The following CADM2 variants were observed in gnomAD, a reference collection of about 807,000 sequenced individuals.
The protein encoded by CADM2 is immunoglobulin superfamily member 4D.
In CADM2, 12 loss-of-function variants were observed where a neutral mutation model predicts 49.8. The observed-to-expected ratio is 0.24, with a 90% CI of 0.15 to 0.39. The LOEUF (loss-of-function observed/expected upper bound fraction) is 0.39, where lower values mean the gene tolerates loss of function less well. Among genes scored for constraint, CADM2 ranks in the 10% least tolerant of loss-of-function variants. CADM2 has a pLI of 1.00. For missense variants in CADM2, 378 were observed against 492.3 expected (o/e 0.77, Z 2.20); for synonymous variants, 214 against 175.4 (o/e 1.22, Z -1.74).
chr3:85,896,549 G>C (rs73843508), intron 5 of CADM2, among the ~76,000 whole-genome samples: 8,178 of 152,222 alleles, frequency 0.054, 630 homozygotes, highest in African/African-American at 0.17. Context: ...CACCTGGTTA[G>C]GCACCAAAGC....
Position 86,072,485 on chromosome 3 carries a change from T to C in CADM2, c.*5702T>C, listed in dbSNP as rs558484334. ...TCAAAAGAAGAAAAGTTAAAAGATA[T>C]TTGAAGATTGCAGGGGCAAAACAAA... On this transcript the variant is annotated 3_prime_UTR_variant, in exon 10 of 10. Transcript: ENST00000383699. 1 of 151,814 alleles carries C rather than the reference T, an allele frequency of 6.6e-6. No homozygotes were observed. Among genetic ancestry groups the C allele is most frequent in the Admixed American group, 6.6e-5 (1 of 15,204 alleles). The allele number at this position is 151,814 out of a possible 1,614,324, so 9.4% of individuals were successfully genotyped here. A position where few individuals can be genotyped will look rare whatever the true frequency, so the allele number is the denominator to read the frequency against.
intron 1 of CADM2, among the ~76,000 whole-genome samples, chr3:85,686,368 G>C (rs1029346328): frequency 2.0e-5 from 3 of 151,988 alleles, no homozygotes; most frequent in South Asian, 2.1e-4. Flanking sequence ...AAATGGTAAC[G>C]CTGGTTAGTG....
At chr3:85,347,740 G>C (rs1304122851) in intron 1 of CADM2, among the ~76,000 whole-genome samples, 1 of 150,508 alleles carries the variant, frequency 6.6e-6, no homozygotes, top group East Asian at 1.9e-4. Flanking sequence ...CTTCCAGGTT[G>C]AAGTGATTCT....
intron 3 of CADM2, among the ~76,000 whole-genome samples, chr3:85,869,386 C>T (rs545735070): frequency 1.3e-5 from 2 of 151,894 alleles, no homozygotes; most frequent in Admixed American, 6.6e-5. Context: ...TTTTCAGATA[C>T]GATGTGTGAT....
intron 1 of CADM2, among the ~76,000 whole-genome samples, chr3:85,670,530 C>A (rs974444018): frequency 6.6e-6 from 1 of 152,090 alleles, no homozygotes; most frequent in African/African-American, 2.4e-5. Context: ...CCATCCACAG[C>A]CTTCCATCCT....
At chr3:85,288,793 C>CCCT (rs1553704691) in intron 1 of CADM2, among the ~76,000 whole-genome samples, 1,371 of 136,354 alleles carry the variant, frequency 0.01, 76 homozygotes, top group Non-Finnish European at 0.017. Context: ...TGCCCCCCCC[C>CCCT]CCTCTTTTTT....
At chr3:85,593,079 C>G (rs938461118) in intron 1 of CADM2, among the ~76,000 whole-genome samples, 2 of 151,934 alleles carry the variant, frequency 1.3e-5, no homozygotes, top group African/African-American at 4.8e-5. Flanking sequence ...CTATTTTTCC[C>G]TATTTTATTT....
chr3:85,245,244 G>T (rs536703158), intron 1 of CADM2, among the ~76,000 whole-genome samples: 1 of 152,278 alleles, frequency 6.6e-6, no homozygotes, highest in African/African-American at 2.4e-5. Context: ...AACTAAAGGA[G>T]AATTTAGCCT....
rs563724656 is a variant in CADM2, at chr3:86,053,870, A to G, written c.971-11735A>G. 7.9e-5 allele frequency among the ~76,000 whole-genome samples: 12 copies of G among 152,214 alleles called. No homozygotes were observed. The South Asian group carries it at 2.3e-3, about 29-fold the overall frequency. ...AGAATAATGCTTTTAATAAATATGA[A>G]CTATTATATTTTATGGGACAAGTAT... On this transcript the variant is annotated intron_variant, in intron 8 of 9. Transcript: ENST00000383699.
chr3:85,845,174 A>T (rs1282691015), intron 3 of CADM2, among the ~76,000 whole-genome samples: 1 of 147,108 alleles, frequency 6.8e-6, no homozygotes, highest in African/African-American at 2.5e-5. Flanking sequence ...AAAAAAAAAA[A>T]GAAGAGCAAA....
At chr3:85,326,009 A>C (rs188968673) in intron 1 of CADM2, among the ~76,000 whole-genome samples, 1 of 152,218 alleles carries the variant, frequency 6.6e-6, no homozygotes, top group South Asian at 2.1e-4. Context: ...CATGTTTGAA[A>C]CATAAATGTT....
intron 1 of CADM2, among the ~76,000 whole-genome samples, chr3:85,304,936 A>C (rs1231152169): frequency 1.3e-5 from 2 of 151,740 alleles, no homozygotes; most frequent in Non-Finnish European, 3.0e-5. Context: ...ATAAATTATT[A>C]TTTGTCAATG....
At chr3:85,614,956 A>G (rs983815632) in intron 1 of CADM2, among the ~76,000 whole-genome samples, 4 of 152,114 alleles carry the variant, frequency 2.6e-5, no homozygotes, top group South Asian at 2.1e-4. Context: ...AAATTCACTC[A>G]GAGCCACTTG....
chr3:85,571,435 AG>A (rs2062472336), intron 1 of CADM2, among the ~76,000 whole-genome samples: 1 of 151,760 alleles, frequency 6.6e-6, no homozygotes, highest in Non-Finnish European at 1.5e-5. Flanking sequence ...GAAATTTTGC[AG>A]GCCACTCATT....
intron 1 of CADM2, among the ~76,000 whole-genome samples, chr3:85,285,184 G>C (rs2043603699): frequency 6.6e-6 from 1 of 152,114 alleles, no homozygotes; most frequent in Non-Finnish European, 1.5e-5. Flanking sequence ...AAGATGGTTT[G>C]AGATGCCTAT....
intron 3 of CADM2, among the ~76,000 whole-genome samples, chr3:85,804,460 T>C (rs2072272991): frequency 2.0e-5 from 3 of 152,184 alleles, no homozygotes. Flanking sequence ...CTATAAACTT[T>C]TATAACATTA....
chr3:85,059,195 C>T (rs763537287), intron 1 of CADM2, among the ~76,000 whole-genome samples: 8 of 151,436 alleles, frequency 5.3e-5, no homozygotes, highest in Non-Finnish European at 1.2e-4. Context: ...GCCGAGATCG[C>T]GCCACTGCAC....
chr3:85,525,732 C>CT (rs1410416792), intron 1 of CADM2, among the ~76,000 whole-genome samples: 3 of 151,906 alleles, frequency 2.0e-5, no homozygotes, highest in Admixed American at 6.6e-5. Flanking sequence ...CCATTTTCTT[C>CT]TTTTTTGCGT....
intron 1 of CADM2, among the ~76,000 whole-genome samples, chr3:85,644,226 T>C (rs2064818027): frequency 6.6e-6 from 1 of 152,142 alleles, no homozygotes; most frequent in Non-Finnish European, 1.5e-5. Context: ...ACATAGATTT[T>C]CCTGTGTGTG....
Sources: allele counts gnomAD v4.1 joint callset (sites outside exome capture counted in the v4.1 genomes callset), GRCh38; gene constraint gnomAD v4.1.1; transcripts MANE v1.5; gene names NCBI Gene and HGNC (gene_info 2026-07-23, HGNC 2026-07-21).